PGAP2: variants seen among roughly 807,000 people sequenced by gnomAD.
PGAP2 encodes acyltransferase PGAP2.
Under a neutral mutation model 33.2 loss-of-function variants are expected in PGAP2, and 21 were observed. The observed-to-expected ratio is 0.63, with a 90% confidence interval of 0.45 to 0.91. The LOEUF is 0.91. PGAP2 is among the 40% of genes least tolerant of loss of function. The probability of loss-of-function intolerance (pLI) is 0.00; values close to 1 mark genes in which losing one functional copy is unlikely to be tolerated. For missense variants in PGAP2, 345 were observed against 424.0 expected (o/e 0.81, Z 1.64); for synonymous variants, 161 against 172.9 (o/e 0.93, Z 0.54).
At chr11:3,808,816 C>A (rs960349380) in intron 1 of PGAP2, among the ~76,000 whole-genome samples, 165 bp downstream of exon 1, 1 of 152,216 alleles carries the variant, frequency 6.6e-6, no homozygotes, top group African/African-American at 2.4e-5. Flanking sequence ...TCTGGACTTG[C>A]CGAGCTGGCC....
intron 3 of PGAP2, among the ~76,000 whole-genome samples, chr11:3,820,542 C>T (rs2088315005): frequency 6.6e-6 from 1 of 152,160 alleles, no homozygotes; most frequent in Admixed American, 6.5e-5. Context: ...CGTCTGTAAT[C>T]CCAGCTACTC....
Position 3,823,996 on chromosome 11 carries a change from C to T in PGAP2, c.462C>T (p.Phe154=), listed in dbSNP as rs779152291. ...CGGCGCCTCGCTTCTTGGTGGCCTT[C>T]GCCTACTGGAACCACTACCTCAGCT... The part of the protein sequence containing the change: ...LHSAPRFLVA[F]AYWNHYLSCT... The change falls in exon 4 of 7, where the codon TTC becomes TTT. Residue 154 remains phenylalanine (F), a synonymous_variant. Coordinates refer to ENST00000278243, the MANE Select transcript of PGAP2 (RefSeq NM_014489.4). 6 of 1,613,714 alleles carry T rather than the reference C, an allele frequency of 3.7e-6. No individual in the cohort carries two copies. Among genetic ancestry groups the T allele is most frequent in the South Asian group, 2.2e-5 (2 of 91,070 alleles).
chr11:3,822,733 A>C (rs2089101732), intron 3 of PGAP2, among the ~76,000 whole-genome samples: 1 of 152,186 alleles, frequency 6.6e-6, no homozygotes, highest in Non-Finnish European at 1.5e-5. Flanking sequence ...TTGTATGGGT[A>C]ATTAAAGTTT....
rs921195788 is a variant in PGAP2, at chr11:3,825,522, C to T, written c.*64C>T. On this transcript the variant is annotated 3_prime_UTR_variant, in exon 7 of 7. Transcript: ENST00000278243. ...CAGAAACAAGAAACACGATACCATTCTGGCCTTCCCCACCCCACATCCTCT... is the reference window on the plus strand; with the variant it reads ...CAGAAACAAGAAACACGATACCATTTTGGCCTTCCCCACCCCACATCCTCT... 22 of 1,529,090 alleles carry T rather than the reference C, an allele frequency of 1.4e-5. No homozygotes were observed. In the African/African-American group the frequency reaches 2.6e-4, roughly 18 times the overall value. 94.7% of individuals were successfully genotyped at this position (1,529,090 alleles called of 1,614,324 possible). A position where few individuals can be genotyped will look rare whatever the true frequency, so the allele number is the denominator to read the frequency against.
upstream of PGAP2, among the ~76,000 whole-genome samples, chr11:3,804,219 C>T (rs1033895294): frequency 3.3e-5 from 5 of 152,046 alleles, no homozygotes; most frequent in African/African-American, 7.3e-5. Context: ...AATACCTTTA[C>T]GGAAGGATAG....
rs562663479 is a variant in PGAP2, at chr11:3,823,173, C to G, written c.349-710C>G. On this transcript the variant is annotated intron_variant, in intron 3 of 6. Coordinates refer to ENST00000278243, the MANE Select transcript of PGAP2 (RefSeq NM_014489.4). ...TGATCAGCCTCCTGAGTAGCTGGGA[C>G]TACGGGCGCTGGCCACCACGCCTGG... Among the ~76,000 whole-genome samples the G allele has an allele frequency of 8.1e-4, 123 of 151,594 alleles. 1 individual carries two copies. The highest frequency in any genetic ancestry group is 2.8e-3 in the African/African-American group (117 of 41,360).
In PGAP2 at chr11:3,825,498, A is replaced by G. The variant is rs1235431069; in HGVS notation, c.*40A>G. ...CTTGGGAGGACGCAGCCCACTGCCC[A>G]GAAACAAGAAACACGATACCATTCT... On this transcript the variant is annotated 3_prime_UTR_variant, in exon 7 of 7. Coordinates refer to ENST00000278243, the MANE Select transcript of PGAP2 (RefSeq NM_014489.4). The G allele has an allele frequency of 6.3e-7, 1 of 1,595,224 alleles. No homozygotes were observed. Among genetic ancestry groups the G allele is most frequent in the African/African-American group, 1.3e-5 (1 of 74,502 alleles).
intron 1 of PGAP2, among the ~76,000 whole-genome samples, chr11:3,802,585 C>T (rs2083612127): frequency 6.6e-6 from 1 of 152,134 alleles, no homozygotes; most frequent in Non-Finnish European, 1.5e-5. Flanking sequence ...ATACACATGG[C>T]TTGAGAACTC....
intron 2 of PGAP2, 59 bp from the exon 3 acceptor site, chr11:3,817,294 C>A: frequency 1.4e-6 from 2 of 1,397,278 alleles, no homozygotes; most frequent in Non-Finnish European, 2.0e-6. Context: ...GAAAAGGCCC[C>A]ACTTTCCCAG....
upstream of PGAP2, among the ~76,000 whole-genome samples, chr11:3,807,007 T>G (rs2084479624): frequency 7.4e-6 from 1 of 135,978 alleles, no homozygotes. Flanking sequence ...GGTGACAGAG[T>G]GAGACTCTGT....
chr11:3,825,672 C>CTATAGCA lies in PGAP2; in HGVS notation c.*214_*215insTATAGCA. On this transcript the variant is annotated 3_prime_UTR_variant, in exon 7 of 7. Coordinates refer to ENST00000278243, the MANE Select transcript of PGAP2 (RefSeq NM_014489.4). ...GTGGGGTCCTCAAACATCACCTTTA[C>CTATAGCA]CTGAGAGGCCCCAAGAAGCTGAGCT... is the stretch of plus-strand genomic sequence containing the variant. 1 of 420,268 alleles carries CTATAGCA rather than the reference C, an allele frequency of 2.4e-6. No homozygotes were observed. The allele number at this position is 420,268 out of a possible 1,614,324, so 26.0% of individuals were successfully genotyped here.
chr11:3,818,248 C>T (rs1449073301), intron 3 of PGAP2, among the ~76,000 whole-genome samples: 7 of 150,710 alleles, frequency 4.6e-5, no homozygotes, highest in Non-Finnish European at 8.9e-5. Flanking sequence ...TGCCTGTAAT[C>T]CCAGCTACTC....
chr11:3,822,588 C>A (rs2134972240), intron 3 of PGAP2, among the ~76,000 whole-genome samples: 1 of 152,186 alleles, frequency 6.6e-6, no homozygotes, highest in Middle Eastern at 3.4e-3. Flanking sequence ...GAGTCATGAT[C>A]ATGCTATTGC....
intron 1 of PGAP2, among the ~76,000 whole-genome samples, chr11:3,803,295 G>GT (rs34104190): frequency 5.5e-4 from 76 of 137,862 alleles, no homozygotes; most frequent in Middle Eastern, 3.9e-3. Context: ...ACCCGGCCCT[G>GT]TTTTTTTTTT....
chr11:3,800,577 C>G (rs1051197128), intron 1 of PGAP2, among the ~76,000 whole-genome samples: 3 of 148,646 alleles, frequency 2.0e-5, no homozygotes, highest in Non-Finnish European at 4.5e-5. Context: ...TTTGGGAGGC[C>G]GAGGTGGGCG....
At chr11:3,824,859 A>C (rs2089723431) in intron 5 of PGAP2, 161 bp from the exon 6 acceptor site, 2 of 1,451,142 alleles carry the variant, frequency 1.4e-6, no homozygotes, top group Non-Finnish European at 1.8e-6. Context: ...GGACGTGAAC[A>C]CATAGTCGTC....
At chr11:3,800,091 T>C (rs2083238412) in intron 1 of PGAP2, among the ~76,000 whole-genome samples, 1 of 152,162 alleles carries the variant, frequency 6.6e-6, no homozygotes, top group Non-Finnish European at 1.5e-5. Flanking sequence ...GTTGGCCAAA[T>C]AGTAAAGTTA....
intron 5 of PGAP2, 134 bp downstream of exon 5, chr11:3,824,510 G>T: frequency 7.3e-7 from 1 of 1,378,044 alleles, no homozygotes; most frequent in South Asian, 1.2e-5. Context: ...GCTGGGGTTG[G>T]GGCTGGGGCT....
chr11:3,825,258 AT>A (rs1464729546), intron 6 of PGAP2, 69 bp from the exon 7 acceptor site: 4 of 1,579,362 alleles, frequency 2.5e-6, no homozygotes, highest in Non-Finnish European at 2.6e-6. Context: ...TGGTGGTGTG[AT>A]TTATCAAGAG....
Sources: gnomAD v4.1 joint callset for allele counts (sites outside exome capture counted in the v4.1 genomes callset) on GRCh38, gnomAD v4.1.1 for gene constraint, MANE v1.5 for transcripts, NCBI Gene and HGNC (gene_info 2026-07-23, HGNC 2026-07-21) for gene names.